The following TBC1D23 variants were observed in gnomAD, a reference collection of about 807,000 sequenced individuals.
TBC1D23 encodes the protein TBC1 domain family member 23.
Under a neutral mutation model 91.4 loss-of-function variants are expected in TBC1D23, and 55 were observed. The ratio of observed to expected loss-of-function variants is 0.60; its 90% CI spans 0.48 to 0.75. The LOEUF (loss-of-function observed/expected upper bound fraction) is 0.75, where lower values mean the gene tolerates loss of function less well. TBC1D23 is among the 30% of genes least tolerant of loss of function. The pLI, the probability that TBC1D23 is intolerant of heterozygous loss-of-function variation, is 0.00. For missense variants in TBC1D23, 725 were observed against 836.1 expected (o/e 0.87, Z 1.64); for synonymous variants, 289 against 281.0 (o/e 1.03, Z -0.28).
At chr3:100,278,840 TTGA>T (rs2067672081) in intron 1 of TBC1D23, among the ~76,000 whole-genome samples, 1 of 152,260 alleles carries the variant, frequency 6.6e-6, no homozygotes, top group Non-Finnish European at 1.5e-5. Context: ...GGTAATTTAC[TTGA>T]TGATGTGATA....
rs543576805 is a variant in TBC1D23 at position 100,263,195 on chromosome 3, A to G, written c.53+2124A>G. ...GAAGGGGAGTTGTTCTCTGGCGGGCAGAGTGGGTGTCCCAAGGTGCTCAGT... is the reference window on the plus strand; with the variant it reads ...GAAGGGGAGTTGTTCTCTGGCGGGCGGAGTGGGTGTCCCAAGGTGCTCAGT... On this transcript the variant is annotated intron_variant, in intron 1 of 18. Coordinates refer to ENST00000394144, the MANE Select transcript of TBC1D23 (RefSeq NM_001199198.3). Among the ~76,000 whole-genome samples the G allele has an allele frequency of 3.3e-5, 5 of 152,370 alleles. No individual in the cohort carries two copies. In the East Asian group the frequency reaches 7.7e-4, roughly 23 times the overall value.
chr3:100,283,856 G>A (rs1488041084), intron 4 of TBC1D23, 45 bp downstream of exon 4: 1 of 1,279,150 alleles, frequency 7.8e-7, no homozygotes. Context: ...GTGAATACAG[G>A]CCTGGTTTGC....
intron 18 of TBC1D23, 21 bp downstream of exon 18, chr3:100,320,992 A>G (rs1705848221): frequency 6.5e-7 from 1 of 1,529,918 alleles, no homozygotes; most frequent in African/African-American, 1.4e-5. Flanking sequence ...CCTTAAGATA[A>G]TATTATCTGA....
At chr3:100,277,072 C>G (rs1402362872) in intron 1 of TBC1D23, among the ~76,000 whole-genome samples, 1 of 152,134 alleles carries the variant, frequency 6.6e-6, no homozygotes, top group African/African-American at 2.4e-5. Context: ...CACAGCCCAC[C>G]CACTCATACC....
intron 1 of TBC1D23, among the ~76,000 whole-genome samples, chr3:100,273,056 A>G (rs796636756): frequency 2.0e-5 from 3 of 151,860 alleles, no homozygotes; most frequent in Admixed American, 6.6e-5. Context: ...GTGTCGGGCT[A>G]GGGGACGGTC....
intron 15 of TBC1D23, among the ~76,000 whole-genome samples, chr3:100,314,317 C>T (rs770915291): frequency 7.2e-5 from 11 of 151,850 alleles, no homozygotes; most frequent in African/African-American, 1.9e-4. Context: ...AGGATAGTCT[C>T]GATCTCCTGA....
At position 100,323,696 on chromosome 3, in the gene TBC1D23, T is replaced by G. The variant is rs1475389524; in HGVS notation, c.*28T>G. On this transcript the variant is annotated 3_prime_UTR_variant, in exon 19 of 19. Transcript: ENST00000394144. ...TAAAAGAAAATTATATAAAAAGAAATTAAGACAACCAAGAGAAACATGGAC... is the reference window on the plus strand; with the variant it reads ...TAAAAGAAAATTATATAAAAAGAAAGTAAGACAACCAAGAGAAACATGGAC... 2 of 1,256,224 alleles carry G rather than the reference T, an allele frequency of 1.6e-6. No homozygotes were observed. The highest frequency in any genetic ancestry group is 2.2e-6 in the Non-Finnish European group (2 of 926,944). 77.8% of individuals were successfully genotyped at this position (1,256,224 alleles called of 1,614,324 possible). A position where few individuals can be genotyped will look rare whatever the true frequency, so the allele number is the denominator to read the frequency against.
intron 1 of TBC1D23, among the ~76,000 whole-genome samples, chr3:100,263,947 G>T (rs952132053): frequency 2.6e-5 from 4 of 152,124 alleles, no homozygotes; most frequent in Non-Finnish European, 5.9e-5. Context: ...ATTTTTGCTG[G>T]TTTCATTTTC....
Position 100,296,227 on chromosome 3 carries a change from C to G in TBC1D23, c.828C>G (p.Phe276Leu). 2 of 1,609,164 alleles carry G rather than the reference C, an allele frequency of 1.2e-6. No individual in the cohort carries two copies. The highest frequency in any genetic ancestry group is 1.7e-6 in the Non-Finnish European group (2 of 1,177,890). The change falls in exon 8 of 19, where the codon TTC becomes TTG. Residue 276 changes from phenylalanine (F) to leucine (L), a missense_variant. Transcript: ENST00000394144. ...ATATAGAAGATATAGAAGACCTTTTCTCTCTGGCTCAGTATTATTGCAGCA... is the reference window on the plus strand; with the variant it reads ...ATATAGAAGATATAGAAGACCTTTTGTCTCTGGCTCAGTATTATTGCAGCA... Reference protein sequence around the residue: ...SLNIEDIEDLFSLAQYYCSKT... With the variant: ...SLNIEDIEDLLSLAQYYCSKT...
At chr3:100,272,366 G>A (rs1360615452) in intron 1 of TBC1D23, among the ~76,000 whole-genome samples, 3 of 152,134 alleles carry the variant, frequency 2.0e-5, no homozygotes, top group Admixed American at 6.6e-5. Flanking sequence ...GCAGTATTTC[G>A]TTTTCTGTTC....
intron 12 of TBC1D23, 92 bp from the exon 13 acceptor site, chr3:100,306,345 C>A: frequency 2.9e-6 from 2 of 701,290 alleles, no homozygotes; most frequent in South Asian, 1.8e-5. Context: ...TTTTTCTCAG[C>A]TGTGACATGT....
intron 15 of TBC1D23, among the ~76,000 whole-genome samples, chr3:100,313,033 T>A (rs977244378): frequency 4.3e-5 from 6 of 138,936 alleles, no homozygotes; most frequent in African/African-American, 1.3e-4. Context: ...AATAATAATA[T>A]AATAATAATA....
At chr3:100,280,866 A>T (rs911940238) in intron 2 of TBC1D23, among the ~76,000 whole-genome samples, 1 of 152,190 alleles carries the variant, frequency 6.6e-6, no homozygotes, top group African/African-American at 2.4e-5. Flanking sequence ...GTTTAAAAGA[A>T]TGGTAATTCC....
chr3:100,266,968 C>T (rs1453754887), intron 1 of TBC1D23, among the ~76,000 whole-genome samples: 2 of 152,182 alleles, frequency 1.3e-5, no homozygotes, highest in Admixed American at 6.5e-5. Flanking sequence ...AGCAAACATT[C>T]ACTGAATAGT....
chr3:100,278,884 C>G (rs2067672482), intron 1 of TBC1D23, among the ~76,000 whole-genome samples: 1 of 152,144 alleles, frequency 6.6e-6, no homozygotes, highest in Non-Finnish European at 1.5e-5. Flanking sequence ...ACCAATAGAT[C>G]CTTTTTTCCC....
chr3:100,290,417 A>C (rs2067779276), intron 4 of TBC1D23, among the ~76,000 whole-genome samples, 161 bp from the exon 5 acceptor site: 1 of 152,184 alleles, frequency 6.6e-6, no homozygotes, highest in Non-Finnish European at 1.5e-5. Context: ...ACTTTTGTCA[A>C]GTCAGGGACA....
intron 15 of TBC1D23, among the ~76,000 whole-genome samples, chr3:100,315,154 CTTTTT>C (rs397705981): frequency 6.1e-3 from 448 of 73,698 alleles, no homozygotes; most frequent in Non-Finnish European, 7.1e-3. Context: ...GAGGCAGATT[CTTTTT>C]TTTTTTTTTT....
chr3:100,291,304 T>C (rs1006136452), intron 5 of TBC1D23, among the ~76,000 whole-genome samples: 3 of 152,086 alleles, frequency 2.0e-5, no homozygotes, highest in African/African-American at 7.2e-5. Context: ...AAAACTAGAC[T>C]AGGCGCAGTG....
chr3:100,305,005 C>G (rs945616298), intron 12 of TBC1D23, 117 bp downstream of exon 12: 3 of 573,586 alleles, frequency 5.2e-6, no homozygotes, highest in Non-Finnish European at 9.2e-6. Context: ...TTCATTCATT[C>G]AATATTTTCA....
Sources: gnomAD v4.1 joint callset for allele counts (sites outside exome capture counted in the v4.1 genomes callset) on GRCh38, gnomAD v4.1.1 for gene constraint, MANE v1.5 for transcripts, NCBI Gene and HGNC (gene_info 2026-07-23, HGNC 2026-07-21) for gene names.